PTPRS: variants seen among roughly 807,000 people sequenced by gnomAD.
PTPRS encodes the protein receptor-type tyrosine-protein phosphatase S.
A neutral mutation model predicts 215.3 loss-of-function variants in PTPRS; 63 were observed. The observed-to-expected ratio is 0.29, with a 90% confidence interval of 0.24 to 0.36. The LOEUF (loss-of-function observed/expected upper bound fraction) is 0.36, where lower values mean the gene tolerates loss of function less well. Ranked by LOEUF, PTPRS falls within the 10% of genes least tolerant of loss-of-function variation. The pLI is 1.00. For synonymous variants in PTPRS, 1,404 were observed against 1,191.4 expected (o/e 1.18, Z -3.68); for missense variants, 2,258 against 2,825.8 (o/e 0.80, Z 4.56).
Position 5,207,916 on chromosome 19 carries a change from C to A in PTPRS, c.5778+6G>T. ...AGGCTGCCTCCCCTCCCTGTCCCAT[C>A]TTTACCTCTGTCTGCACCATGGCCG... On this transcript the variant is annotated splice_donor_region_variant and intron_variant, in intron 37 of 37. Coordinates refer to ENST00000262963, the MANE Select transcript of PTPRS (RefSeq NM_002850.4). 1 of 1,613,286 alleles carries A rather than the reference C, an allele frequency of 6.2e-7. No individual in the cohort carries two copies. Among genetic ancestry groups the A allele is most frequent in the Non-Finnish European group, 8.5e-7 (1 of 1,179,794 alleles).
chr19:5,266,319 A>C (rs116351714), intron 4 of PTPRS, among the ~76,000 whole-genome samples: 1,666 of 152,186 alleles, frequency 0.011, 33 homozygotes, highest in African/African-American at 0.037. Flanking sequence ...GGGTCTCACC[A>C]TGTTGCCCAG....
intron 1 of PTPRS, among the ~76,000 whole-genome samples, chr19:5,322,887 AAAAAAAAAAAAAAGAAG>A (rs1452417743): frequency 1.5e-5 from 2 of 132,824 alleles, no homozygotes; most frequent in Admixed American, 7.6e-5. Flanking sequence ...CTCAAAAAAA[AAAAAAAAAAAAAAGAAG>A]AAGAAGAAGA....
intron 16 of PTPRS, among the ~76,000 whole-genome samples, chr19:5,228,012 G>A (rs896440155): frequency 5.3e-5 from 8 of 152,040 alleles, no homozygotes; most frequent in Non-Finnish European, 8.8e-5. Flanking sequence ...GAGGGGTGAC[G>A]GGGATGCACA....
chr19:5,274,451 C>T lies in PTPRS; in HGVS notation c.92-107G>A, dbSNP rs141289575. 165 of 1,286,750 alleles carry T rather than the reference C, an allele frequency of 1.3e-4. 1 individual carries two copies. The highest frequency in any genetic ancestry group is 1.7e-4 in the Non-Finnish European group (158 of 948,236). The allele number at this position is 1,286,750 out of a possible 1,614,324, so 79.7% of individuals were successfully genotyped here. A position where few individuals can be genotyped will look rare whatever the true frequency, so the allele number is the denominator to read the frequency against. ...ATTCCATGCCCTGCCCACGGAAGTG[C>T]CATGTGGCCAATGAAGAGAGGAGGA... On this transcript the variant is annotated intron_variant, in intron 2 of 37. Coordinates refer to ENST00000262963, the MANE Select transcript of PTPRS (RefSeq NM_002850.4).
rs150723318 is a variant in PTPRS, at chr19:5,229,765, C to T, written c.2156-81G>A. 4.0e-4 allele frequency: 360 copies of T among 896,952 alleles called. No homozygotes were observed. In the African/African-American group the frequency reaches 5.4e-3, roughly 13 times the overall value. 55.6% of individuals were successfully genotyped at this position (896,952 alleles called of 1,614,324 possible). On this transcript the variant is annotated intron_variant, in intron 14 of 37. Transcript: ENST00000262963. ...CCCTGCCCCGGGCAGTGCCACTGTC[C>T]GATTCCAGGATGCCGAGTGGCTGCC...
intron 9 of PTPRS, among the ~76,000 whole-genome samples, chr19:5,251,898 C>A (rs1007382944): frequency 1.3e-5 from 2 of 152,140 alleles, no homozygotes; most frequent in African/African-American, 4.8e-5. Flanking sequence ...GGCCAACACA[C>A]CTCAACGCGA....
intron 1 of PTPRS, among the ~76,000 whole-genome samples, chr19:5,307,421 T>G (rs1387001177): frequency 6.7e-6 from 1 of 148,736 alleles, no homozygotes; most frequent in Non-Finnish European, 1.5e-5. Context: ...TCAGTATCTC[T>G]TAGTGTTATG....
At chr19:5,239,924 G>A (rs1024883703) in intron 12 of PTPRS, among the ~76,000 whole-genome samples, 1 of 152,134 alleles carries the variant, frequency 6.6e-6, no homozygotes, top group Non-Finnish European at 1.5e-5. Flanking sequence ...GACACAGAGA[G>A]AAGCACAGAT....
intron 1 of PTPRS, chr19:5,286,468 A>T: frequency 2.8e-6 from 1 of 352,170 alleles, no homozygotes; most frequent in Non-Finnish European, 5.5e-6. Flanking sequence ...CCCCACTATG[A>T]TGGTAACAGG....
At chr19:5,243,152 T>A (rs1260494599) in intron 11 of PTPRS, among the ~76,000 whole-genome samples, 1 of 152,006 alleles carries the variant, frequency 6.6e-6, no homozygotes, top group Non-Finnish European at 1.5e-5. Flanking sequence ...ATTTAATTTT[T>A]TTGAGATGGC....
In PTPRS at chr19:5,225,272, C is replaced by A. The variant is rs190498653; in HGVS notation, c.2494+455G>T. On this transcript the variant is annotated intron_variant, in intron 17 of 37. Transcript: ENST00000262963. ...AACAACCTAGCCGGGGCGACCAGAG[C>A]CTGGATGGGGGAAGCACAGGAGACT... Among the ~76,000 whole-genome samples, 55 of 151,952 alleles carry A rather than the reference C, an allele frequency of 3.6e-4. 1 individual carries two copies. Among genetic ancestry groups the A allele is most frequent in the African/African-American group, 1.3e-3 (55 of 41,428 alleles).
chr19:5,219,472 A>C lies in PTPRS; in HGVS notation c.3766-5T>G. 6.4e-7 allele frequency: 1 copy of C among 1,563,682 alleles called. No individual in the cohort carries two copies. The highest frequency in any genetic ancestry group is 8.6e-7 in the Non-Finnish European group (1 of 1,157,060). On this transcript the variant is annotated splice_polypyrimidine_tract_variant and splice_region_variant and intron_variant, in intron 22 of 37. Transcript: ENST00000262963. ...GAAGGGACTGGCTGCAAAGGTCTGCAGGGAAAGGAGGGGGGTCTCCATCAG... is the reference window on the plus strand; with the variant it reads ...GAAGGGACTGGCTGCAAAGGTCTGCCGGGAAAGGAGGGGGGTCTCCATCAG...
At chr19:5,233,957 A>AAAAAAAAAAAC (rs2043222027) in intron 13 of PTPRS, among the ~76,000 whole-genome samples, 2 of 131,092 alleles carry the variant, frequency 1.5e-5, no homozygotes, top group African/African-American at 2.9e-5. Flanking sequence ...AAAAAAAAAA[A>AAAAAAAAAAAC]AAAAAAAAAA....
At chr19:5,229,426 G>C (rs1280440546) in intron 15 of PTPRS, 65 bp downstream of exon 15, 1 of 1,364,310 alleles carries the variant, frequency 7.3e-7, no homozygotes, top group Non-Finnish European at 9.5e-7. Context: ...GCAGAGGTGG[G>C]GGGAGCGCAA....
At chr19:5,260,936 G>C (rs1220020864) in intron 6 of PTPRS, 114 bp from the exon 7 acceptor site, 2 of 1,288,842 alleles carry the variant, frequency 1.6e-6, no homozygotes, top group Non-Finnish European at 1.1e-6. Flanking sequence ...CTCTGCCCCA[G>C]GGAGGGGATC....
intron 28 of PTPRS, 81 bp downstream of exon 28, chr19:5,215,208 G>A: frequency 6.4e-7 from 1 of 1,566,246 alleles, no homozygotes; most frequent in South Asian, 1.2e-5. Flanking sequence ...TCAGGCCTCA[G>A]TGGCCCAAGG....
In PTPRS at chr19:5,339,636, C is replaced by T. The variant is rs2050620623; in HGVS notation, c.-95+1028G>A. Among the ~76,000 whole-genome samples the T allele has an allele frequency of 6.6e-6, 1 of 152,022 alleles. No individual in the cohort carries two copies. The highest frequency in any genetic ancestry group is 6.5e-5 in the Admixed American group (1 of 15,280). ...AAAGAGAGGTGAACTTGGCCGCAACCTGGCCGAACCCTCGCACCCACGGCG... is the reference window on the plus strand; with the variant it reads ...AAAGAGAGGTGAACTTGGCCGCAACTTGGCCGAACCCTCGCACCCACGGCG... On this transcript the variant is annotated intron_variant, in intron 1 of 37. Coordinates refer to ENST00000262963, the MANE Select transcript of PTPRS (RefSeq NM_002850.4). This position sits in a 1 kb window ranked among gnomAD's most constrained non-coding sequence, Gnocchi z 4.2.
intron 3 of PTPRS, 47 bp downstream of exon 3, chr19:5,274,152 C>G (rs1393947438): frequency 6.3e-7 from 1 of 1,580,920 alleles, no homozygotes; most frequent in East Asian, 2.3e-5. Context: ...GTGGCCCTGC[C>G]TTGGGGGAGC....
chr19:5,309,906 G>T (rs901254800), intron 1 of PTPRS, among the ~76,000 whole-genome samples: 2 of 152,126 alleles, frequency 1.3e-5, no homozygotes, highest in Non-Finnish European at 2.9e-5. Flanking sequence ...ACAGCCAGGG[G>T]TCGCCTGTGA....
Sources: allele counts gnomAD v4.1 joint callset (sites outside exome capture counted in the v4.1 genomes callset), GRCh38; gene constraint gnomAD v4.1.1; non-coding constraint Gnocchi (gnomAD v3.1); transcripts MANE v1.5; gene names NCBI Gene and HGNC (gene_info 2026-07-23, HGNC 2026-07-21).